The following HS3ST4 variants were observed in gnomAD, a reference collection of about 807,000 sequenced individuals.
HS3ST4 encodes heparan sulfate-glucosamine 3-sulfotransferase 4.
In HS3ST4, 17 loss-of-function variants were observed where a neutral mutation model predicts 29.2. The ratio of observed to expected loss-of-function variants is 0.58; its 90% confidence interval spans 0.40 to 0.87. The LOEUF (loss-of-function observed/expected upper bound fraction) is 0.87, where lower values mean the gene tolerates loss of function less well. HS3ST4 is among the 40% of genes least tolerant of loss of function. HS3ST4 has a pLI of 0.00. For synonymous variants in HS3ST4, 314 were observed against 285.7 expected (o/e 1.10, Z -1.00); for missense variants, 627 against 634.5 (o/e 0.99, Z 0.13).
chr16:25,701,753 C>T (rs376943433), intron 1 of HS3ST4, among the ~76,000 whole-genome samples: 2 of 152,114 alleles, frequency 1.3e-5, no homozygotes, highest in South Asian at 2.1e-4. Context: ...TCATGGCCAG[C>T]GATCTGAAAG....
At chr16:25,821,587 A>G (rs1156528780) in intron 1 of HS3ST4, among the ~76,000 whole-genome samples, 1 of 152,152 alleles carries the variant, frequency 6.6e-6, no homozygotes, top group African/African-American at 2.4e-5. Context: ...GAGTAAACCT[A>G]TCAATTTTTT....
chr16:25,761,702 G>C (rs994309153), intron 1 of HS3ST4, among the ~76,000 whole-genome samples: 8 of 152,190 alleles, frequency 5.3e-5, no homozygotes, highest in African/African-American at 1.4e-4. Context: ...ATCCAACAGA[G>C]ATCTCCTGAG....
At chr16:25,718,536 C>A (rs147279059) in intron 1 of HS3ST4, among the ~76,000 whole-genome samples, 51 of 152,026 alleles carry the variant, frequency 3.4e-4, no homozygotes, top group Non-Finnish European at 5.7e-4. Flanking sequence ...GAGAGACTTT[C>A]TTTTGTTGTT....
intron 1 of HS3ST4, among the ~76,000 whole-genome samples, chr16:25,735,657 C>A (rs149640407): frequency 3.9e-5 from 6 of 152,298 alleles, no homozygotes; most frequent in African/African-American, 1.4e-4. Context: ...TCCCTAAGTG[C>A]TGGGGATTAC....
intron 1 of HS3ST4, among the ~76,000 whole-genome samples, chr16:26,082,489 C>A (rs1434975450): frequency 6.6e-6 from 1 of 152,176 alleles, no homozygotes; most frequent in African/African-American, 2.4e-5. Context: ...CACTGTTACT[C>A]ACTTGGGCAC....
Position 26,135,657 on chromosome 16 carries a change from G to A in HS3ST4, c.780G>A (p.Lys260=). The change falls in exon 2 of 2, where the codon AAG becomes AAA. Residue 260 remains lysine, a synonymous_variant. Transcript: ENST00000331351. ...KTLDGQITME[K]TPSYFVTNEA... is the part of the protein sequence containing the mutation. ...TGGATGGGCAAATAACCATGGAGAA[G>A]ACTCCAAGTTACTTTGTGACAAATG... is the stretch of plus-strand genomic sequence containing the variant. 6.2e-7 allele frequency: 1 copy of A among 1,612,696 alleles called. No homozygotes were observed. The highest frequency in any genetic ancestry group is 8.5e-7 in the Non-Finnish European group (1 of 1,179,414).
intron 1 of HS3ST4, among the ~76,000 whole-genome samples, chr16:25,877,486 A>G (rs1967844457): frequency 6.6e-6 from 1 of 152,128 alleles, no homozygotes; most frequent in African/African-American, 2.4e-5. Context: ...CAAAATCTCC[A>G]TTACCTCTCT....
chr16:26,052,994 G>T (rs997927568), intron 1 of HS3ST4, among the ~76,000 whole-genome samples: 1 of 152,196 alleles, frequency 6.6e-6, no homozygotes, highest in Non-Finnish European at 1.5e-5. Flanking sequence ...ACAATTCCAT[G>T]AAGTTTATTG....
intron 1 of HS3ST4, among the ~76,000 whole-genome samples, chr16:25,927,448 G>T (rs1968416028): frequency 6.6e-6 from 1 of 152,216 alleles, no homozygotes; most frequent in Admixed American, 6.5e-5. Context: ...AACAATGTGA[G>T]CAATAATTCT....
At chr16:25,781,336 G>A (rs1966852396) in intron 1 of HS3ST4, among the ~76,000 whole-genome samples, 1 of 152,188 alleles carries the variant, frequency 6.6e-6, no homozygotes, top group Admixed American at 6.5e-5. Flanking sequence ...AGCACCCTTA[G>A]TTGCTAGAGG....
chr16:25,899,190 C>G (rs921427556), intron 1 of HS3ST4, among the ~76,000 whole-genome samples: 1 of 152,212 alleles, frequency 6.6e-6, no homozygotes, highest in Admixed American at 6.5e-5. Context: ...AGATGTTACT[C>G]CAGTGTTGTC....
intron 1 of HS3ST4, among the ~76,000 whole-genome samples, chr16:25,914,241 TGTG>T (rs1420466405): frequency 1.4e-5 from 2 of 147,506 alleles, no homozygotes; most frequent in East Asian, 4.1e-4. Context: ...ATGTAAGTGA[TGTG>T]GTATATGTGT....
chr16:26,053,311 G>A (rs889526524), intron 1 of HS3ST4, among the ~76,000 whole-genome samples: 1 of 152,168 alleles, frequency 6.6e-6, no homozygotes, highest in Admixed American at 6.5e-5. Flanking sequence ...GCTTATCACA[G>A]CACTTGGAAA....
At chr16:26,119,994 G>A (rs999065901) in intron 1 of HS3ST4, among the ~76,000 whole-genome samples, 5 of 152,004 alleles carry the variant, frequency 3.3e-5, no homozygotes, top group African/African-American at 1.2e-4. Flanking sequence ...ATGAGGAGGT[G>A]AAGTTTGCAC....
chr16:25,714,504 G>A (rs1184650376), intron 1 of HS3ST4, among the ~76,000 whole-genome samples: 2 of 152,214 alleles, frequency 1.3e-5, no homozygotes, highest in Admixed American at 1.3e-4. Flanking sequence ...GAGATATCCT[G>A]TTGTTATCTC....
chr16:26,038,222 G>A (rs899358002), intron 1 of HS3ST4, among the ~76,000 whole-genome samples: 1 of 152,166 alleles, frequency 6.6e-6, no homozygotes, highest in South Asian at 2.1e-4. Flanking sequence ...TGCCCCTGTG[G>A]TGAGTTCTCA....
At chr16:25,896,689 A>C (rs1046891110) in intron 1 of HS3ST4, among the ~76,000 whole-genome samples, 1 of 152,194 alleles carries the variant, frequency 6.6e-6, no homozygotes, top group African/African-American at 2.4e-5. Flanking sequence ...AAGCACGTGC[A>C]CCCGTATGTT....
At chr16:26,055,050 A>T (rs1898390916) in intron 1 of HS3ST4, among the ~76,000 whole-genome samples, 1 of 151,788 alleles carries the variant, frequency 6.6e-6, no homozygotes. Context: ...TTAAATTCAG[A>T]GCTACCCAGC....
At chr16:25,843,775 G>A (rs1262772298) in intron 1 of HS3ST4, among the ~76,000 whole-genome samples, 1 of 152,202 alleles carries the variant, frequency 6.6e-6, no homozygotes, top group African/African-American at 2.4e-5. Context: ...GCAGCAGCCT[G>A]TGACATTGCA....
Sources: allele counts gnomAD v4.1 joint callset (sites outside exome capture counted in the v4.1 genomes callset), GRCh38; gene constraint gnomAD v4.1.1; transcripts MANE v1.5; gene names NCBI Gene and HGNC (gene_info 2026-07-23, HGNC 2026-07-21).